Variants in ACIN1 observed in about 807,000 individuals in gnomAD.
ACIN1 encodes the protein apoptotic chromatin condensation inducer in the nucleus.
In ACIN1, 16 loss-of-function variants were observed where a neutral mutation model predicts 146.6. The observed-to-expected ratio is 0.11, with a 90% CI of 0.07 to 0.17. ACIN1 has a LOEUF of 0.17. Ranked by LOEUF, ACIN1 falls within the 10% of genes least tolerant of loss-of-function variation. ACIN1 has a pLI of 1.00. For synonymous variants in ACIN1, 569 were observed against 582.7 expected (o/e 0.98, Z 0.34); for missense variants, 1,357 against 1,609.3 (o/e 0.84, Z 2.68).
At position 23,069,579 on chromosome 14, in the gene ACIN1, T is replaced by C. The variant is rs779866160; in HGVS notation, c.2162A>G (p.Asn721Ser). ...TTCTGGAACATCATTTTCAGGTCTG[T>C]TTTCACTTGTGTCCATGGTCACTTC... is the stretch of plus-strand genomic sequence containing the variant. ...KEEVTMDTSE[N>S]RPENDVPEPP... The change falls in exon 9 of 19, where the codon AAC becomes AGC. Residue 721 changes from asparagine (N) to serine (S), a missense_variant. Physicochemically the swap from Asn to Ser is conservative, Grantham distance 46. Coordinates refer to ENST00000605057, the MANE Select transcript of ACIN1 (RefSeq NM_001386863.1). The C allele has an allele frequency of 1.5e-5, 25 of 1,612,938 alleles. No individual in the cohort carries two copies. In the Admixed American group the frequency reaches 4.2e-4, roughly 27 times the overall value.
In ACIN1 at chr14:23,064,625, G is replaced by A. The variant is rs952150717; in HGVS notation, c.2309-137C>T. The A allele has an allele frequency of 9.4e-6, 12 of 1,278,284 alleles. No individual in the cohort carries two copies. The East Asian group carries it at 2.9e-4, about 30-fold the overall frequency. 79.2% of individuals were successfully genotyped at this position (1,278,284 alleles called of 1,614,324 possible). ...AAGAAATCATATTTGGAGGCTGAGT[G>A]TGGTGGCTCACACCTGTAATCCCAG... On this transcript the variant is annotated intron_variant, in intron 10 of 18. Transcript: ENST00000605057.
chr14:23,082,465 AG>A (rs2047971508), intron 4 of ACIN1, among the ~76,000 whole-genome samples: 1 of 81,602 alleles, frequency 1.2e-5, no homozygotes, highest in Non-Finnish European at 2.3e-5. Context: ...TTTTTTTCTG[AG>A]ATGGAGTCTC....
chr14:23,070,045 G>A (rs944976195), intron 8 of ACIN1, among the ~76,000 whole-genome samples: 3 of 152,092 alleles, frequency 2.0e-5, no homozygotes, highest in Admixed American at 6.5e-5. Flanking sequence ...AAAATTGCAC[G>A]AGAAACGAAG....
chr14:23,069,179 C>G (rs545178260), intron 9 of ACIN1: 2 of 1,090,638 alleles, frequency 1.8e-6, no homozygotes, highest in East Asian at 5.7e-5. Flanking sequence ...GCAGGAAAAG[C>G]TGAACATAAA....
intron 8 of ACIN1, among the ~76,000 whole-genome samples, chr14:23,076,980 G>T (rs1302254853): frequency 1.3e-5 from 2 of 152,106 alleles, no homozygotes; most frequent in African/African-American, 4.8e-5. Flanking sequence ...AATTTCAAAG[G>T]AAGTAGAGTG....
chr14:23,071,674 A>C, intron 8 of ACIN1: 1 of 1,066,246 alleles, frequency 9.4e-7, no homozygotes, highest in Non-Finnish European at 1.3e-6. Flanking sequence ...TTGGCAGGCC[A>C]CAGGGAGCCG....
At chr14:23,095,503 G>T, upstream of ACIN1, 1 of 610,814 alleles carries the variant, frequency 1.6e-6, no homozygotes, top group Non-Finnish European at 2.7e-6. Flanking sequence ...GGCCGGAAGT[G>T]CGTGGGCTGC....
chr14:23,066,774 C>A (rs1266835562), intron 9 of ACIN1, among the ~76,000 whole-genome samples: 1 of 152,240 alleles, frequency 6.6e-6, no homozygotes, highest in Non-Finnish European at 1.5e-5. Context: ...ACTGTTTCCT[C>A]TCCAACCAGG....
intron 14 of ACIN1, 91 bp from the exon 15 acceptor site, chr14:23,062,614 G>T: frequency 1.6e-6 from 2 of 1,257,706 alleles, no homozygotes; most frequent in Non-Finnish European, 2.3e-6. Context: ...CAGGAGTATA[G>T]TTTCAAGGTT....
chr14:23,073,195 ACTG>A (rs1267979374), intron 8 of ACIN1, among the ~76,000 whole-genome samples: 2 of 152,202 alleles, frequency 1.3e-5, no homozygotes, highest in African/African-American at 4.8e-5. Context: ...CTGTATAATA[ACTG>A]CTACTTTATC....
At chr14:23,076,588 A>G (rs1259832056) in intron 8 of ACIN1, 1 of 152,222 alleles carries the variant, frequency 6.6e-6, no homozygotes, top group Non-Finnish European at 1.5e-5. Flanking sequence ...TGTTGCTAGG[A>G]TCTCATAAAC....
intron 8 of ACIN1, among the ~76,000 whole-genome samples, chr14:23,074,986 G>T (rs1425421968): frequency 2.0e-5 from 3 of 152,180 alleles, no homozygotes; most frequent in Non-Finnish European, 4.4e-5. Flanking sequence ...ACCTAGAACA[G>T]TATGATTTTG....
Position 23,093,616 on chromosome 14 carries a change from A to C in ACIN1, c.139-72T>G, listed in dbSNP as rs2273397. The C allele has an allele frequency of 2.7e-3, 3,419 of 1,282,450 alleles. 105 individuals carry two copies. The East Asian group carries it at 0.053, about 20-fold the overall frequency. 79.4% of individuals were successfully genotyped at this position (1,282,450 alleles called of 1,614,324 possible). A position where few individuals can be genotyped will look rare whatever the true frequency, so the allele number is the denominator to read the frequency against. ...AAAAACAAACCCCCACCTCTACCACAACCTCTAAATTAAACGCAATGACTT... is the reference window on the plus strand; with the variant it reads ...AAAAACAAACCCCCACCTCTACCACCACCTCTAAATTAAACGCAATGACTT... On this transcript the variant is annotated intron_variant, in intron 1 of 18. Transcript: ENST00000605057.
Position 23,079,623 on chromosome 14 carries a change from ATCT to A in ACIN1, c.1709_1711del (p.Lys570del). 6.2e-7 allele frequency: 1 copy of A among 1,614,136 alleles called. No homozygotes were observed. Among genetic ancestry groups the A allele is most frequent in the Non-Finnish European group, 8.5e-7 (1 of 1,180,020 alleles). On this transcript the variant is annotated inframe_deletion, in exon 6 of 19. Transcript: ENST00000605057. Reference sequence around the variant, plus strand: ...GGACTCTGATGTTGATCTGGAGCCCATCTTGGGTCTACCACGAGGGTTGGCATG... The same window carrying A: ...GGACTCTGATGTTGATCTGGAGCCCATGGGTCTACCACGAGGGTTGGCATG...
At position 23,079,925 on chromosome 14, in the gene ACIN1, G is replaced by A. The variant is rs2140153431; in HGVS notation, c.1410C>T (p.Pro470=). The change falls in exon 6 of 19, where the codon CCC becomes CCT. Residue 470 remains proline, a synonymous_variant. Coordinates refer to ENST00000605057, the MANE Select transcript of ACIN1 (RefSeq NM_001386863.1). ...LEPESDRSAQ[P]LPLKIEELAL... ...CTAATTCCTCAATTTTTAGAGGGAG[G>A]GGCTGAGCAGATCTGTCTGACTCAG... The A allele has an allele frequency of 1.2e-6, 2 of 1,614,128 alleles. No homozygotes were observed. Among genetic ancestry groups the A allele is most frequent in the Non-Finnish European group, 8.5e-7 (1 of 1,180,024 alleles).
chr14:23,074,546 C>G (rs539776249), intron 8 of ACIN1, among the ~76,000 whole-genome samples: 1 of 152,208 alleles, frequency 6.6e-6, no homozygotes, highest in Admixed American at 6.5e-5. Flanking sequence ...GCCTGGGTGA[C>G]AGAGTGAGAC....
chr14:23,059,056 G>T lies in ACIN1; in HGVS notation c.*92C>A. 8.1e-7 allele frequency: 1 copy of T among 1,234,750 alleles called. No individual in the cohort carries two copies. The highest frequency in any genetic ancestry group is 1.3e-5 in the South Asian group (1 of 75,042). 76.5% of individuals were successfully genotyped at this position (1,234,750 alleles called of 1,614,324 possible). On this transcript the variant is annotated 3_prime_UTR_variant, in exon 19 of 19. Transcript: ENST00000605057. ...GGATAGGTGATGTGAAAGACCCTTG[G>T]CTCCAGGGTGGTGGAGACTGTGCCT...
At chr14:23,061,694 C>T (rs2139997107) in intron 16 of ACIN1, 72 bp from the exon 17 acceptor site, 4 of 1,398,780 alleles carry the variant, frequency 2.9e-6, no homozygotes, top group Middle Eastern at 2.2e-4. Flanking sequence ...GCCAGGATGG[C>T]CGGGCGCGGT....
chr14:23,071,738 G>A (rs960032608), intron 8 of ACIN1: 3 of 598,838 alleles, frequency 5.0e-6, no homozygotes, highest in Admixed American at 6.6e-5. Flanking sequence ...CAGCTACAGA[G>A]GCTTAACCCC....
Sources: gnomAD v4.1 joint callset for allele counts (sites outside exome capture counted in the v4.1 genomes callset) on GRCh38, gnomAD v4.1.1 for gene constraint, MANE v1.5 for transcripts, NCBI Gene and HGNC (gene_info 2026-07-23, HGNC 2026-07-21) for gene names.